The following CGGBP1 variants were observed in gnomAD, a reference collection of about 807,000 sequenced individuals.
CGGBP1 encodes the protein CGG triplet repeat-binding protein 1.
A neutral mutation model predicts 11.4 loss-of-function variants in CGGBP1; 4 were observed. The observed-to-expected ratio is 0.35, with a 90% CI of 0.17 to 0.80. The LOEUF (loss-of-function observed/expected upper bound fraction) is 0.80. CGGBP1 is among the 30% of genes least tolerant of loss of function. CGGBP1 has a pLI of 0.52. For synonymous variants in CGGBP1, 76 were observed against 74.1 expected, an observed-to-expected ratio of 1.03 and a Z score of -0.13; for missense variants, 135 against 202.1, an observed-to-expected ratio of 0.67 and a Z score of 2.01.
chr3:88,097,992 C>CT (rs1051277395), intron 2 of CGGBP1, among the ~76,000 whole-genome samples: 6 of 152,062 alleles, frequency 3.9e-5, no homozygotes, highest in African/African-American at 1.4e-4. Flanking sequence ...CAGAGCAGAA[C>CT]TGAAGGAGAT....
intron 2 of CGGBP1, among the ~76,000 whole-genome samples, chr3:88,126,604 T>A (rs1353997225): frequency 4.5e-4 from 33 of 73,576 alleles, no homozygotes; most frequent in African/African-American, 1.2e-3. Context: ...TTTTTTTTTT[T>A]AAGAAACAAA....
intron 2 of CGGBP1, among the ~76,000 whole-genome samples, chr3:88,076,150 A>G (rs1198988897): frequency 6.6e-6 from 1 of 152,208 alleles, no homozygotes; most frequent in African/African-American, 2.4e-5. Flanking sequence ...TACAGATTTT[A>G]TATTACTTGT....
At chr3:88,137,499 A>G (rs1367738784) in intron 2 of CGGBP1, among the ~76,000 whole-genome samples, 1 of 152,202 alleles carries the variant, frequency 6.6e-6, no homozygotes, top group African/African-American at 2.4e-5. Flanking sequence ...ATAAAAAATG[A>G]GACACTGTCA....
intron 2 of CGGBP1, among the ~76,000 whole-genome samples, chr3:88,130,333 A>C (rs546559890): frequency 6.6e-6 from 1 of 152,342 alleles, no homozygotes; most frequent in African/African-American, 2.4e-5. Context: ...TTTATTTGCT[A>C]AACATAATCT....
chr3:88,112,554 A>G (rs1217700395), intron 2 of CGGBP1, among the ~76,000 whole-genome samples: 1 of 151,982 alleles, frequency 6.6e-6, no homozygotes, highest in Non-Finnish European at 1.5e-5. Context: ...CCATCCTGTT[A>G]TGAGTGGGAT....
chr3:88,061,464 A>T (rs188426734), upstream of CGGBP1, among the ~76,000 whole-genome samples: 26 of 152,282 alleles, frequency 1.7e-4, 1 homozygote, highest in East Asian at 4.6e-3. Flanking sequence ...ACATACTTTC[A>T]TGTTACCAAC....
chr3:88,097,703 G>A (rs1000690018), intron 2 of CGGBP1, among the ~76,000 whole-genome samples: 14 of 152,192 alleles, frequency 9.2e-5, no homozygotes, highest in African/African-American at 3.4e-4. Context: ...CAACTACATG[G>A]GAACTGAACA....
chr3:88,139,644 G>A, intron 2 of CGGBP1: 2 of 1,612,534 alleles, frequency 1.2e-6, no homozygotes, highest in Non-Finnish European at 1.7e-6. Flanking sequence ...TGAGCATGTG[G>A]CTGAATTCAT....
intron 2 of CGGBP1, among the ~76,000 whole-genome samples, chr3:88,125,799 A>G (rs1385674857): frequency 6.6e-6 from 1 of 152,144 alleles, no homozygotes; most frequent in Admixed American, 6.5e-5. Context: ...GAGAAATTTT[A>G]TGAACCTTTA....
chr3:88,091,842 GCCT>G (rs1708648429), intron 2 of CGGBP1, among the ~76,000 whole-genome samples: 1 of 152,166 alleles, frequency 6.6e-6, no homozygotes, highest in South Asian at 2.1e-4. Context: ...TGATTGTGAG[GCCT>G]CCTCAGCCAT....
intron 2 of CGGBP1, among the ~76,000 whole-genome samples, chr3:88,114,605 C>T (rs1260355583): frequency 6.6e-6 from 1 of 152,156 alleles, no homozygotes; most frequent in Non-Finnish European, 1.5e-5. Context: ...AAAATCTCTG[C>T]CATTTCTGCC....
rs72921637 is a variant in CGGBP1 at position 88,054,626 on chromosome 3, G to A, written c.*847C>T. The A allele has an allele frequency of 0.13, 19,369 of 152,418 alleles. 1,267 individuals carry two copies. Among genetic ancestry groups the A allele is most frequent in the African/African-American group, 0.15 (6,213 of 41,458 alleles). 9.4% of individuals were successfully genotyped at this position (152,418 alleles called of 1,614,324 possible). The stretch of plus-strand genomic sequence containing the variant: ...AAAATTACTAATTCTCTATAATAAA[G>A]AGAAAACTCAACCATAAAATGTCTG... On this transcript the variant is annotated 3_prime_UTR_variant, in exon 4 of 4. Coordinates refer to ENST00000482016, the MANE Select transcript of CGGBP1 (RefSeq NM_001008390.2).
At chr3:88,088,761 T>TGGATGGATGG (rs1559701696) in intron 2 of CGGBP1, among the ~76,000 whole-genome samples, 133 of 126,480 alleles carry the variant, frequency 1.1e-3, no homozygotes, top group South Asian at 4.2e-3. Context: ...TGTATGTATG[T>TGGATGGATGG]ATGGATGGAT....
chr3:88,136,251 A>G (rs1278995319), intron 2 of CGGBP1, among the ~76,000 whole-genome samples: 1 of 152,204 alleles, frequency 6.6e-6, no homozygotes, highest in Admixed American at 6.5e-5. Flanking sequence ...ATTATTATAG[A>G]AAGTTTACAG....
At chr3:88,059,269 C>T, upstream of CGGBP1, 3 of 1,525,792 alleles carry the variant, frequency 2.0e-6, no homozygotes, top group Non-Finnish European at 2.6e-6. Context: ...TAGGCATCTA[C>T]GGCGGCGGCG....
intron 2 of CGGBP1, among the ~76,000 whole-genome samples, chr3:88,114,077 T>A (rs961464716): frequency 1.3e-5 from 2 of 152,188 alleles, no homozygotes; most frequent in African/African-American, 4.8e-5. Context: ...AGTGTGCTAA[T>A]GCACTAAGGT....
chr3:88,086,475 T>G (rs1026042727), intron 2 of CGGBP1: 13 of 1,272,866 alleles, frequency 1.0e-5, no homozygotes, highest in Middle Eastern at 2.2e-4. Flanking sequence ...TGATAATTTC[T>G]TCTGAAGAAG....
chr3:88,079,431 T>C (rs1446552467), intron 2 of CGGBP1, among the ~76,000 whole-genome samples: 3 of 152,074 alleles, frequency 2.0e-5, no homozygotes, highest in Non-Finnish European at 4.4e-5. Context: ...TGATGGGACA[T>C]TGCATGTTTT....
Position 88,125,112 on chromosome 3 carries a change from G to A in CGGBP1, c.-229+15858C>T, listed in dbSNP as rs373540246. Among the ~76,000 whole-genome samples the A allele has an allele frequency of 5.3e-3, 810 of 151,852 alleles. 5 individuals carry two copies. Among genetic ancestry groups the A allele is most frequent in the African/African-American group, 0.017 (696 of 41,422 alleles). Reference sequence around the variant, plus strand: ...CGCCTGTAGTCCCAGCTACTTGGGAGGCTGAGGCAGGAGAATCGCTTGAAC... The same window carrying A: ...CGCCTGTAGTCCCAGCTACTTGGGAAGCTGAGGCAGGAGAATCGCTTGAAC... On this transcript the variant is annotated intron_variant, in intron 2 of 3. Coordinates refer to the CGGBP1 transcript ENST00000462901.
Sources: allele counts gnomAD v4.1 joint callset (sites outside exome capture counted in the v4.1 genomes callset), GRCh38; gene constraint gnomAD v4.1.1; transcripts MANE v1.5; gene names NCBI Gene and HGNC (gene_info 2026-07-23, HGNC 2026-07-21).